Variants in SDSL observed in about 807,000 individuals in gnomAD.
The protein encoded by SDSL is serine dehydratase like, also known as serine dehydratase-like.
Under a neutral mutation model 27.6 loss-of-function variants are expected in SDSL, and 26 were observed. The ratio of observed to expected loss-of-function variants is 0.94; its 90% CI spans 0.69 to 1.31. The LOEUF is 1.31. Ranked by LOEUF, SDSL falls within the 50% of genes most tolerant of loss-of-function variation. SDSL has a pLI of 0.00. For synonymous variants in SDSL, 196 were observed against 180.6 expected (o/e 1.09, Z -0.69); for missense variants, 431 against 423.5 (o/e 1.02, Z -0.16).
chr12:113,427,665 C>T (rs1957865126), intron 1 of SDSL, among the ~76,000 whole-genome samples: 1 of 152,146 alleles, frequency 6.6e-6, no homozygotes, highest in African/African-American at 2.4e-5. Flanking sequence ...TATTTTTTGA[C>T]TGAGGAATGA....
chr12:113,436,734 C>A lies in SDSL; in HGVS notation c.672-17C>A. On this transcript the variant is annotated splice_polypyrimidine_tract_variant and intron_variant, in intron 6 of 7. Transcript: ENST00000403593. ...TGAGCCCCTGGTCTCCCTGCCCCAC[C>A]CTGCTCTATCCTGCAGTGTGGCCAA... The A allele has an allele frequency of 6.3e-7, 1 of 1,586,016 alleles. No homozygotes were observed.
intron 5 of SDSL, 40 bp from the exon 6 acceptor site, chr12:113,435,289 C>T (rs1262567517): frequency 2.1e-6 from 3 of 1,399,786 alleles, no homozygotes; most frequent in Non-Finnish European, 1.9e-6. Flanking sequence ...GGCTGGGGTC[C>T]TCCCTCACTC....
chr12:113,425,196 C>A (rs1957833109), intron 1 of SDSL, among the ~76,000 whole-genome samples: 1 of 152,126 alleles, frequency 6.6e-6, no homozygotes, highest in Non-Finnish European at 1.5e-5. Context: ...CTGGTCGACC[C>A]CAAAGCCTGT....
At chr12:113,432,216 CTT>C (rs1484207155) in intron 4 of SDSL, among the ~76,000 whole-genome samples, 2 of 1,694 alleles carry the variant, frequency 1.2e-3, no homozygotes, top group Non-Finnish European at 2.9e-3. Flanking sequence ...TTGCTTCTTT[CTT>C]TCTTTCTTTC....
chr12:113,428,052 T>C lies in SDSL; in HGVS notation c.70T>C (p.Trp24Arg), dbSNP rs1957870926. The change falls in exon 2 of 8, where the codon TGG (tryptophan) becomes CGG (arginine). Residue 24 changes from tryptophan (W) to arginine (R), a missense_variant. Trp to Arg is a moderately radical substitution (Grantham distance 101). Transcript: ENST00000403593. ...CGTGGTCACACCTCTGTTGGAGAGC[T>C]GGGCGCTGTCCCAGGTGGCGGGCAT... Reference protein sequence around the residue: ...FHVVTPLLESWALSQVAGMPV... With the variant: ...FHVVTPLLESRALSQVAGMPV... The C allele has an allele frequency of 6.2e-7, 1 of 1,614,014 alleles. No individual in the cohort carries two copies. The highest frequency in any genetic ancestry group is 8.5e-7 in the Non-Finnish European group (1 of 1,179,974).
rs1958024776 is a variant in SDSL, at chr12:113,438,107, C to G, written c.*28C>G. ...GGTCCCATCCTGGCCCCAAAGACCC[C>G]TGAGAGGCCCATGGACAGTCCTGTG... On this transcript the variant is annotated 3_prime_UTR_variant, in exon 8 of 8. Coordinates refer to ENST00000403593, the MANE Select transcript of SDSL (RefSeq NM_001304993.2). 6.3e-7 allele frequency: 1 copy of G among 1,584,812 alleles called. No homozygotes were observed. Among genetic ancestry groups the G allele is most frequent in the African/African-American group, 1.3e-5 (1 of 74,074 alleles).
At chr12:113,432,260 CTTTCTTTCTT>C (rs1254647636) in intron 4 of SDSL, among the ~76,000 whole-genome samples, 1 of 137,582 alleles carries the variant, frequency 7.3e-6, no homozygotes, top group African/African-American at 2.9e-5. Context: ...TTCTTTCTTT[CTTTCTTTCTT>C]TCTTTCTTTC....
At position 113,435,324 on chromosome 12, in the gene SDSL, C is replaced by T. The variant is rs1446001473; in HGVS notation, c.444-5C>T. The T allele has an allele frequency of 6.7e-7, 1 of 1,500,408 alleles. No individual in the cohort carries two copies. Among genetic ancestry groups the T allele is most frequent in the Non-Finnish European group, 8.9e-7 (1 of 1,121,228 alleles). The allele number at this position is 1,500,408 out of a possible 1,614,324, so 92.9% of individuals were successfully genotyped here. ...CTGCTTCTCCCTCTCACCCCCCCTC[C>T]CCAGGAAAGGCCACGCCAGCCTGGT... On this transcript the variant is annotated splice_region_variant and splice_polypyrimidine_tract_variant and intron_variant, in intron 5 of 7. Coordinates refer to ENST00000403593, the MANE Select transcript of SDSL (RefSeq NM_001304993.2).
At chr12:113,434,853 G>T (rs1037310026) in intron 5 of SDSL, among the ~76,000 whole-genome samples, 1 of 152,218 alleles carries the variant, frequency 6.6e-6, no homozygotes, top group Admixed American at 6.5e-5. Flanking sequence ...GGTGGCTCAC[G>T]CCTGTAATCC....
intron 5 of SDSL, among the ~76,000 whole-genome samples, chr12:113,434,481 G>A (rs1194831641): frequency 1.3e-5 from 2 of 152,188 alleles, no homozygotes; most frequent in Admixed American, 6.5e-5. Flanking sequence ...CTGAATATGT[G>A]CTTTGGGACC....
chr12:113,436,532 G>A (rs1957996267), intron 6 of SDSL, among the ~76,000 whole-genome samples: 1 of 152,094 alleles, frequency 6.6e-6, no homozygotes, highest in African/African-American at 2.4e-5. Flanking sequence ...CAGGTGATCT[G>A]CCCACCTTGG....
chr12:113,432,534 G>T (rs1957948179), intron 4 of SDSL, among the ~76,000 whole-genome samples: 1 of 151,628 alleles, frequency 6.6e-6, no homozygotes, highest in South Asian at 2.1e-4. Context: ...TAGAGACGGG[G>T]TTTCACCATG....
rs1958018827 is a variant in SDSL at position 113,437,908 on chromosome 12, G to A, written c.819G>A (p.Glu273=). 1.2e-6 allele frequency: 2 copies of A among 1,609,926 alleles called. No individual in the cohort carries two copies. The highest frequency in any genetic ancestry group is 2.7e-5 in the African/African-American group (2 of 74,686). Residue 273 remains glutamate (E), a synonymous_variant, in exon 8 of 8, where the codon GAG becomes GAA. Transcript: ENST00000403593. ...QLLDDERMLV[E]PACGAALAAI... ...CAGATGATGAGCGTATGCTGGTGGA[G>A]CCTGCCTGTGGGGCAGCCTTAGCAG... is the stretch of plus-strand genomic sequence containing the variant.
At chr12:113,431,149 T>G (rs965188777) in intron 4 of SDSL, among the ~76,000 whole-genome samples, 2 of 151,932 alleles carry the variant, frequency 1.3e-5, no homozygotes, top group African/African-American at 4.8e-5. Context: ...GGTGAAGGTG[T>G]GGCGTGGATG....
intron 6 of SDSL, among the ~76,000 whole-genome samples, chr12:113,436,476 C>A (rs909928852): frequency 6.6e-6 from 1 of 152,184 alleles, no homozygotes; most frequent in Non-Finnish European, 1.5e-5. Context: ...TTAGTAGAGA[C>A]GGGGTTTCAC....
chr12:113,438,100 AAGACCCCTG>A lies in SDSL; in HGVS notation c.*25_*33del. 1.2e-6 allele frequency: 2 copies of A among 1,600,436 alleles called. No individual in the cohort carries two copies. The highest frequency in any genetic ancestry group is 1.7e-4 in the Middle Eastern group (1 of 5,988). On this transcript the variant is annotated 3_prime_UTR_variant, in exon 8 of 8. Coordinates refer to ENST00000403593, the MANE Select transcript of SDSL (RefSeq NM_001304993.2). ...TCTGAGGGGTCCCATCCTGGCCCCAAAGACCCCTGAGAGGCCCATGGACAGTCCTGTGTC... is the reference window on the plus strand; with the variant it reads ...TCTGAGGGGTCCCATCCTGGCCCCAAAGAGGCCCATGGACAGTCCTGTGTC...
chr12:113,428,130 C>T lies in SDSL; in HGVS notation c.148C>T (p.Arg50Trp), dbSNP rs141768354. The stretch of plus-strand genomic sequence containing the variant: ...GCAGCCCAGCGGCTCCTTCAAGATT[C>T]GGGGCATTGGGCATTTCTGCCAGGA... ...NVQPSGSFKI[R>W]GIGHFCQEMA... Residue 50 changes from arginine to tryptophan, a missense_variant, in exon 2 of 8, where the codon CGG (arginine) becomes TGG (tryptophan). By Grantham distance (101) the Arg-to-Trp change is moderately radical (BLOSUM62 -3). Coordinates refer to ENST00000403593, the MANE Select transcript of SDSL (RefSeq NM_001304993.2). 97 of 1,612,398 alleles carry T rather than the reference C, an allele frequency of 6.0e-5. No individual in the cohort carries two copies. Among genetic ancestry groups the T allele is most frequent in the Middle Eastern group, 4.9e-4 (3 of 6,080 alleles).
intron 1 of SDSL, among the ~76,000 whole-genome samples, chr12:113,426,563 A>C (rs1419308122): frequency 6.6e-6 from 1 of 152,250 alleles, no homozygotes; most frequent in Admixed American, 6.5e-5. Context: ...ATAAAATAAA[A>C]TTAGCCCACT....
chr12:113,428,137 T>A lies in SDSL; in HGVS notation c.155T>A (p.Ile52Asn). The change falls in exon 2 of 8, where the codon ATT becomes AAT. Residue 52 changes from isoleucine (I) to asparagine (N), a missense_variant. Physicochemically the swap from Ile to Asn is moderately radical, Grantham distance 149 (BLOSUM62 -3). Transcript: ENST00000403593. ...AGCGGCTCCTTCAAGATTCGGGGCATTGGGCATTTCTGCCAGGAGGTGAGG... is the reference window on the plus strand; with the variant it reads ...AGCGGCTCCTTCAAGATTCGGGGCAATGGGCATTTCTGCCAGGAGGTGAGG... ...QPSGSFKIRG[I>N]GHFCQEMAKK... is the part of the protein sequence containing the mutation. 6.2e-7 allele frequency: 1 copy of A among 1,612,224 alleles called. No homozygotes were observed. The highest frequency in any genetic ancestry group is 1.7e-4 in the Middle Eastern group (1 of 6,060).
Sources: allele counts gnomAD v4.1 joint callset (sites outside exome capture counted in the v4.1 genomes callset), GRCh38; gene constraint gnomAD v4.1.1; transcripts MANE v1.5; gene names NCBI Gene and HGNC (gene_info 2026-07-23, HGNC 2026-07-21).